CISD2: variants seen among roughly 807,000 people sequenced by gnomAD.
The protein encoded by CISD2 is CDGSH iron-sulfur domain-containing protein 2.
In CISD2, 1 loss-of-function variant was observed where a neutral mutation model predicts 12.9. The observed-to-expected ratio is 0.08, with a 90% confidence interval of 0.03 to 0.37. CISD2 has a LOEUF of 0.37. Ranked by LOEUF, CISD2 falls within the 10% of genes least tolerant of loss-of-function variation. The pLI, the probability that CISD2 is intolerant of heterozygous loss-of-function variation, is 0.99. For synonymous variants in CISD2, 50 were observed against 60.6 expected (o/e 0.83, Z 0.81); for missense variants, 97 against 163.1 (o/e 0.59, Z 2.21).
At chr4:102,881,812 T>C (rs940297425) in intron 1 of CISD2, among the ~76,000 whole-genome samples, 4 of 152,224 alleles carry the variant, frequency 2.6e-5, no homozygotes, top group African/African-American at 9.6e-5. Flanking sequence ...GAATATTTTC[T>C]GAAGTGGATT....
chr4:102,872,269 C>G (rs1733475190), intron 1 of CISD2, among the ~76,000 whole-genome samples: 1 of 152,080 alleles, frequency 6.6e-6, no homozygotes, highest in Non-Finnish European at 1.5e-5. Context: ...GGAGTTTCAC[C>G]ATGTTGGCCA....
rs558725485 is a variant in CISD2 at position 102,869,197 on chromosome 4, C to T, written c.103+10C>T. 8 of 1,596,804 alleles carry T rather than the reference C, an allele frequency of 5.0e-6. No homozygotes were observed. The African/African-American group carries it at 9.4e-5, about 19-fold the overall frequency. ...TTCGCTAGGCTCACAGGTAATCCTCCCCCATCAGCCAGTCCCCATCCTTGC... is the reference window on the plus strand; with the variant it reads ...TTCGCTAGGCTCACAGGTAATCCTCTCCCATCAGCCAGTCCCCATCCTTGC... On this transcript the variant is annotated intron_variant, in intron 1 of 2. Coordinates refer to ENST00000273986, the MANE Select transcript of CISD2 (RefSeq NM_001008388.5).
rs1339601211 is a variant in CISD2, at chr4:102,890,530, T to C, written c.*3100T>C. The C allele has an allele frequency of 1.3e-5, 2 of 152,122 alleles. No individual in the cohort carries two copies. Among genetic ancestry groups the C allele is most frequent in the African/African-American group, 4.8e-5 (2 of 41,424 alleles). The allele number at this position is 152,122 out of a possible 1,614,324, so 9.4% of individuals were successfully genotyped here. ...CCAGGGGAGATGTTACTAATGCTTG[T>C]ACTTTATTCAGAAATGAGTGCCTCA... On this transcript the variant is annotated 3_prime_UTR_variant, in exon 3 of 3. Coordinates refer to ENST00000273986, the MANE Select transcript of CISD2 (RefSeq NM_001008388.5).
intron 1 of CISD2, 25 bp downstream of exon 1, chr4:102,869,212 C>A (rs1250286950): frequency 2.5e-6 from 4 of 1,587,142 alleles, no homozygotes; most frequent in Non-Finnish European, 3.4e-6. Context: ...TCAGCCAGTC[C>A]CCATCCTTGC....
chr4:102,877,583 T>C (rs2110394895), intron 1 of CISD2, among the ~76,000 whole-genome samples: 1 of 152,330 alleles, frequency 6.6e-6, no homozygotes, highest in South Asian at 2.1e-4. Flanking sequence ...GGTAGCCGCC[T>C]TCTCATGGCT....
At chr4:102,870,215 A>C (rs1578308149) in intron 1 of CISD2, among the ~76,000 whole-genome samples, 1 of 152,262 alleles carries the variant, frequency 6.6e-6, no homozygotes, top group Non-Finnish European at 1.5e-5. Context: ...TGGTAGAAGA[A>C]AAATAAGATT....
intron 1 of CISD2, among the ~76,000 whole-genome samples, chr4:102,874,126 CAA>C (rs35847709): frequency 7.5e-5 from 10 of 133,120 alleles, no homozygotes; most frequent in Admixed American, 1.6e-4. Context: ...ACTCTGTCTT[CAA>C]AAAAAAAAAA....
At chr4:102,879,237 T>C (rs983581005) in intron 1 of CISD2, among the ~76,000 whole-genome samples, 15 of 152,036 alleles carry the variant, frequency 9.9e-5, no homozygotes, top group Non-Finnish European at 1.9e-4. Flanking sequence ...TATTAGTAGA[T>C]ACTTAATAAT....
chr4:102,886,785 T>C (rs1333641021), intron 2 of CISD2, among the ~76,000 whole-genome samples: 1 of 152,032 alleles, frequency 6.6e-6, no homozygotes, highest in Non-Finnish European at 1.5e-5. Context: ...AGCTAACTTT[T>C]GTATTTTTAG....
chr4:102,892,035 T>A lies in CISD2; in HGVS notation c.*4605T>A, dbSNP rs1220051636. 1 of 152,202 alleles carries A rather than the reference T, an allele frequency of 6.6e-6. No individual in the cohort carries two copies. Among genetic ancestry groups the A allele is most frequent in the African/African-American group, 2.4e-5 (1 of 41,446 alleles). The allele number at this position is 152,202 out of a possible 1,614,324, so 9.4% of individuals were successfully genotyped here. A position where few individuals can be genotyped will look rare whatever the true frequency, so the allele number is the denominator to read the frequency against. ...ACTGGAAACTTGCTATATTTGATCA[T>A]GTTCAGCAAGTAAACTAATTTTATC... On this transcript the variant is annotated 3_prime_UTR_variant, in exon 3 of 3. Transcript: ENST00000273986.
chr4:102,869,056 C>G lies in CISD2; in HGVS notation c.-29C>G, dbSNP rs551895041. 4 of 1,591,700 alleles carry G rather than the reference C, an allele frequency of 2.5e-6. No homozygotes were observed. The African/African-American group carries it at 4.0e-5, about 16-fold the overall frequency. ...CAGCTTGGCCAGAGCGGAGGGGGCT[C>G]GGGAGAGGAGTGGACGCCGCTGGCC... On this transcript the variant is annotated 5_prime_UTR_variant, in exon 1 of 3. Transcript: ENST00000273986.
At chr4:102,875,796 G>A (rs1733578178) in intron 1 of CISD2, among the ~76,000 whole-genome samples, 1 of 152,214 alleles carries the variant, frequency 6.6e-6, no homozygotes, top group African/African-American at 2.4e-5. Context: ...ATTGTGTTCT[G>A]TAGTTTTTAC....
intron 1 of CISD2, among the ~76,000 whole-genome samples, chr4:102,871,990 C>T (rs1173915982): frequency 6.6e-6 from 1 of 152,090 alleles, no homozygotes; most frequent in Non-Finnish European, 1.5e-5. Flanking sequence ...TCAGAAACAA[C>T]TTAACTATCT....
rs1327350205 is a variant in CISD2, at chr4:102,890,193, T to C, written c.*2763T>C. 6.6e-6 allele frequency: 1 copy of C among 152,192 alleles called. No homozygotes were observed. The highest frequency in any genetic ancestry group is 1.5e-5 in the Non-Finnish European group (1 of 68,024). 9.4% of individuals were successfully genotyped at this position (152,192 alleles called of 1,614,324 possible). A position where few individuals can be genotyped will look rare whatever the true frequency, so the allele number is the denominator to read the frequency against. ...TCACACAATTCAGCTTTGAGTTCAA[T>C]GCCAAATACGATGATTCATTAAGTT... On this transcript the variant is annotated 3_prime_UTR_variant, in exon 3 of 3. Coordinates refer to ENST00000273986, the MANE Select transcript of CISD2 (RefSeq NM_001008388.5).
chr4:102,872,532 G>A (rs1021712610), intron 1 of CISD2, among the ~76,000 whole-genome samples: 6 of 152,022 alleles, frequency 3.9e-5, no homozygotes, highest in Non-Finnish European at 7.4e-5. Context: ...TTATTTTTAT[G>A]GTATCATAAG....
chr4:102,889,169 A>C lies in CISD2; in HGVS notation c.*1739A>C, dbSNP rs940212392. 6.6e-6 allele frequency: 1 copy of C among 152,236 alleles called. No individual in the cohort carries two copies. The highest frequency in any genetic ancestry group is 1.5e-5 in the Non-Finnish European group (1 of 68,046). 9.4% of individuals were successfully genotyped at this position (152,236 alleles called of 1,614,324 possible). A position where few individuals can be genotyped will look rare whatever the true frequency, so the allele number is the denominator to read the frequency against. On this transcript the variant is annotated 3_prime_UTR_variant, in exon 3 of 3. Coordinates refer to ENST00000273986, the MANE Select transcript of CISD2 (RefSeq NM_001008388.5). ...TAGAAATGTAGTCTGGTTTTTGAGAAGTTTTACAAGGTGTATGTCCAAAAT... is the reference window on the plus strand; with the variant it reads ...TAGAAATGTAGTCTGGTTTTTGAGACGTTTTACAAGGTGTATGTCCAAAAT...
At chr4:102,881,916 G>A (rs1414458813) in intron 1 of CISD2, among the ~76,000 whole-genome samples, 1 of 152,178 alleles carries the variant, frequency 6.6e-6, no homozygotes, top group East Asian at 1.9e-4. Context: ...TTTCAACCAG[G>A]CATGGTGGCT....
rs555830953 is a variant in CISD2 at position 102,890,285 on chromosome 4, G to C, written c.*2855G>C. On this transcript the variant is annotated 3_prime_UTR_variant, in exon 3 of 3. Coordinates refer to ENST00000273986, the MANE Select transcript of CISD2 (RefSeq NM_001008388.5). ...CAGGAAGCCAATTAAGCCAGCTGCTGATCTATATAGTACTACCTTCCTCAT... is the reference window on the plus strand; with the variant it reads ...CAGGAAGCCAATTAAGCCAGCTGCTCATCTATATAGTACTACCTTCCTCAT... 1.3e-5 allele frequency: 2 copies of C among 152,290 alleles called. No homozygotes were observed. Among genetic ancestry groups the C allele is most frequent in the East Asian group, 3.9e-4 (2 of 5,182 alleles). The allele number at this position is 152,290 out of a possible 1,614,324, so 9.4% of individuals were successfully genotyped here.
At chr4:102,880,495 TATG>T (rs1381053655) in intron 1 of CISD2, among the ~76,000 whole-genome samples, 1 of 152,016 alleles carries the variant, frequency 6.6e-6, no homozygotes, top group Non-Finnish European at 1.5e-5. Flanking sequence ...AAATAAATAA[TATG>T]CTGAATAAAA....
Sources: gnomAD v4.1 joint callset for allele counts (sites outside exome capture counted in the v4.1 genomes callset) on GRCh38, gnomAD v4.1.1 for gene constraint, MANE v1.5 for transcripts, NCBI Gene and HGNC (gene_info 2026-07-23, HGNC 2026-07-21) for gene names.